The following PARD3 variants were observed in gnomAD, a reference collection of about 807,000 sequenced individuals.
PARD3 encodes the protein par-3 family cell polarity regulator.
Under a neutral mutation model 155.4 loss-of-function variants are expected in PARD3, and 75 were observed. The ratio of observed to expected loss-of-function variants is 0.48; its 90% CI spans 0.40 to 0.58. The LOEUF (loss-of-function observed/expected upper bound fraction) is 0.58. Ranked by LOEUF, PARD3 falls within the 20% of genes least tolerant of loss-of-function variation. The probability of loss-of-function intolerance (pLI) is 0.00; values close to 1 mark genes in which losing one functional copy is unlikely to be tolerated. For synonymous variants in PARD3, 576 were observed against 610.5 expected, an observed-to-expected ratio of 0.94 and a Z score of 0.83; for missense variants, 1,642 against 1,721.7, an observed-to-expected ratio of 0.95 and a Z score of 0.82.
chr10:34,699,619 T>C (rs1169235141), intron 1 of PARD3, among the ~76,000 whole-genome samples: 1 of 152,138 alleles, frequency 6.6e-6, no homozygotes, highest in Non-Finnish European at 1.5e-5. Flanking sequence ...ATAATAACAG[T>C]AGGAATCTCT....
At chr10:34,649,856 C>T (rs750429822) in intron 2 of PARD3, among the ~76,000 whole-genome samples, 27 of 152,180 alleles carry the variant, frequency 1.8e-4, no homozygotes, top group East Asian at 3.8e-4. Flanking sequence ...CCTTTCTATC[C>T]TTATCCTATA....
intron 15 of PARD3, among the ~76,000 whole-genome samples, chr10:34,342,525 T>C (rs1198342348): frequency 6.6e-6 from 1 of 152,196 alleles, no homozygotes; most frequent in Non-Finnish European, 1.5e-5. Context: ...AAGCCCATGA[T>C]GCAGTCAGGT....
chr10:34,771,986 G>A (rs117055696), intron 1 of PARD3, among the ~76,000 whole-genome samples: 1 of 152,282 alleles, frequency 6.6e-6, no homozygotes, highest in Non-Finnish European at 1.5e-5. Context: ...TTTCACAAAG[G>A]TAAATACCAA....
At chr10:34,714,584 G>A (rs1275417078) in intron 1 of PARD3, among the ~76,000 whole-genome samples, 1 of 152,082 alleles carries the variant, frequency 6.6e-6, no homozygotes, top group Non-Finnish European at 1.5e-5. Context: ...AAGGACGGAG[G>A]GGCCTGTTCC....
intron 22 of PARD3, among the ~76,000 whole-genome samples, chr10:34,199,895 C>CA (rs1436612640): frequency 1.3e-5 from 2 of 151,796 alleles, no homozygotes; most frequent in African/African-American, 2.4e-5. Context: ...TGCCCGACCC[C>CA]AAAAAAACAG....
intron 1 of PARD3, among the ~76,000 whole-genome samples, chr10:34,725,379 C>T (rs2094689106): frequency 6.6e-6 from 1 of 152,104 alleles, no homozygotes; most frequent in African/African-American, 2.4e-5. Flanking sequence ...GTCTTGAACT[C>T]CTGGCCTCTA....
intron 2 of PARD3, among the ~76,000 whole-genome samples, chr10:34,564,747 T>C (rs1407188695): frequency 1.3e-5 from 2 of 152,360 alleles, no homozygotes; most frequent in Middle Eastern, 3.4e-3. Flanking sequence ...TGCATACAAG[T>C]TGAATGAGTA....
chr10:34,117,602 T>G (rs1946753066), intron 24 of PARD3, among the ~76,000 whole-genome samples: 1 of 152,158 alleles, frequency 6.6e-6, no homozygotes, highest in African/African-American at 2.4e-5. Context: ...TGAGGGGAAC[T>G]TTGCACCTGT....
chr10:34,148,947 T>C (rs1244771577), intron 22 of PARD3, among the ~76,000 whole-genome samples: 1 of 152,154 alleles, frequency 6.6e-6, no homozygotes, highest in Non-Finnish European at 1.5e-5. Flanking sequence ...TAAACAACTA[T>C]AACCCTTTTA....
Position 34,814,967 on chromosome 10 carries a change from G to A in PARD3, c.29C>T (p.Thr10Ile), listed in dbSNP as rs756853481. MKVTVCFGR[T>I]RVVVPCGDGH... is the part of the protein sequence containing the mutation. ...GTCCCCGCACGGCACGACCACCCGG[G>A]TCCGTCCGAAGCACACGGTCACTTT... The change falls in exon 1 of 25, where the codon ACC (threonine) becomes ATC (isoleucine). Residue 10 changes from threonine (T) to isoleucine (I), a missense_variant. Thr to Ile is a moderately conservative substitution (Grantham distance 89, BLOSUM62 -1). Around this residue, in one of 3 missense-constraint regions of PARD3, gnomAD observed 75 missense variants for 65.3 expected, o/e 1.15. Coordinates refer to ENST00000374788, the MANE Select transcript of PARD3 (RefSeq NM_001184785.2). 3 of 1,555,884 alleles carry A rather than the reference G, an allele frequency of 1.9e-6. No individual in the cohort carries two copies. Among genetic ancestry groups the A allele is most frequent in the African/African-American group, 2.8e-5 (2 of 70,426 alleles).
intron 22 of PARD3, among the ~76,000 whole-genome samples, chr10:34,258,877 G>A (rs189295807): frequency 1.4e-4 from 21 of 152,204 alleles, no homozygotes; most frequent in Non-Finnish European, 2.8e-4. Context: ...AAGACCCTAT[G>A]TCTACAAAAC....
At chr10:34,595,500 A>C (rs370300949) in intron 2 of PARD3, among the ~76,000 whole-genome samples, 1 of 152,234 alleles carries the variant, frequency 6.6e-6, no homozygotes, top group South Asian at 2.1e-4. Context: ...TTAAATTTCA[A>C]GTTGATTTCA....
intron 22 of PARD3, among the ~76,000 whole-genome samples, chr10:34,172,828 G>C (rs994548868): frequency 3.3e-5 from 5 of 149,704 alleles, no homozygotes; most frequent in African/African-American, 1.2e-4. Context: ...AAAAGGTACA[G>C]ATAATTGCTG....
At chr10:34,139,065 G>A (rs895510447) in intron 22 of PARD3, among the ~76,000 whole-genome samples, 2 of 151,726 alleles carry the variant, frequency 1.3e-5, no homozygotes, top group Admixed American at 1.3e-4. Context: ...CTATAGTTCT[G>A]CTAGCTGCCA....
intron 2 of PARD3, among the ~76,000 whole-genome samples, chr10:34,636,791 G>A (rs935632939): frequency 7.9e-5 from 12 of 152,170 alleles, no homozygotes; most frequent in Admixed American, 2.0e-4. Context: ...ATGCCGTGAC[G>A]GGCAGCAGGA....
chr10:34,187,719 C>T (rs1950547105), intron 22 of PARD3, among the ~76,000 whole-genome samples: 1 of 152,212 alleles, frequency 6.6e-6, no homozygotes, highest in Non-Finnish European at 1.5e-5. Context: ...TCACTATCCA[C>T]ATTGGCAAAC....
chr10:34,258,626 GGCATCATTAT>G (rs921405655), intron 22 of PARD3, among the ~76,000 whole-genome samples: 39 of 152,218 alleles, frequency 2.6e-4, no homozygotes, highest in African/African-American at 8.9e-4. Context: ...AGTGAGATCA[GGCATCATTAT>G]GCCTAATGGT....
Position 34,736,282 on chromosome 10 carries a change from G to A in PARD3, c.121-39863C>T, listed in dbSNP as rs180803547. 4.3e-3 allele frequency among the ~76,000 whole-genome samples: 638 copies of A among 150,068 alleles called. 1 individual carries two copies. Among genetic ancestry groups the A allele is most frequent in the Middle Eastern group, 0.011 (3 of 284 alleles). ...CCTGACCTCATGATCCGCCTGCCTC[G>A]GCCTCCCAAAGTGCTGGGATTATAG... is the stretch of plus-strand genomic sequence containing the variant. On this transcript the variant is annotated intron_variant, in intron 1 of 24. Coordinates refer to ENST00000374788, the MANE Select transcript of PARD3 (RefSeq NM_001184785.2).
At chr10:34,687,846 CTTTTTTTTTTTTTTT>C (rs397846339) in intron 2 of PARD3, among the ~76,000 whole-genome samples, 35 of 63,726 alleles carry the variant, frequency 5.5e-4, no homozygotes, top group Admixed American at 7.8e-4. Context: ...CACCTGAAAT[CTTTTTTTTTTTTTTT>C]TTTTTTTTTT....
Sources: allele counts gnomAD v4.1 joint callset (sites outside exome capture counted in the v4.1 genomes callset), GRCh38; gene constraint gnomAD v4.1.1; regional missense constraint gnomAD v4.1.1; transcripts MANE v1.5; gene names NCBI Gene and HGNC (gene_info 2026-07-23, HGNC 2026-07-21).